ZNF578: variants seen among roughly 807,000 people sequenced by gnomAD.
ZNF578 encodes the protein zinc finger protein 578.
In ZNF578, 8 loss-of-function variants were observed where a neutral mutation model predicts 8.3. The ratio of observed to expected loss-of-function variants is 0.96; its 90% CI spans 0.56 to 1.74. ZNF578 has a LOEUF of 1.74. Ranked by LOEUF, ZNF578 falls within the 40% of genes most tolerant of loss-of-function variation. ZNF578 has a pLI of 0.00. For missense variants in ZNF578, 726 were observed against 707.5 expected, an observed-to-expected ratio of 1.03 and a Z score of -0.30; for synonymous variants, 206 against 232.2, an observed-to-expected ratio of 0.89 and a Z score of 1.03.
chr19:52,480,900 G>C (rs1169753165), intron 2 of ZNF578, among the ~76,000 whole-genome samples: 1 of 139,340 alleles, frequency 7.2e-6, no homozygotes, highest in African/African-American at 2.6e-5. Context: ...CATCTCAAAA[G>C]ATAATAATAA....
chr19:52,460,640 A>G (rs183207164), intron 2 of ZNF578, among the ~76,000 whole-genome samples: 11 of 152,272 alleles, frequency 7.2e-5, no homozygotes, highest in African/African-American at 2.2e-4. Context: ...AAAAACTTTA[A>G]GTTGGATGTA....
rs1476641900 is a variant in ZNF578 at position 52,504,679 on chromosome 19, G to A, written c.88G>A (p.Ala30Thr). ...GGGACGCTTGACTTTCAGGGATGTG[G>A]CTATAGAATTCTCATTGGCAGAGTG... Reference protein sequence around the residue: ...PQGRLTFRDVAIEFSLAEWKF... With the variant: ...PQGRLTFRDVTIEFSLAEWKF... The change falls in exon 5 of 6, where the codon GCT (alanine) becomes ACT (threonine). Residue 30 changes from alanine (A) to threonine (T), a missense_variant. By Grantham distance (58) the Ala-to-Thr change is moderately conservative. Coordinates refer to ENST00000421239, the MANE Select transcript of ZNF578 (RefSeq NM_001099694.2). The A allele has an allele frequency of 1.2e-6, 2 of 1,614,072 alleles. No homozygotes were observed. The highest frequency in any genetic ancestry group is 2.2e-5 in the East Asian group (1 of 44,866).
chr19:52,502,194 G>GC (rs2122940522), intron 4 of ZNF578, among the ~76,000 whole-genome samples: 1 of 152,274 alleles, frequency 6.6e-6, no homozygotes, highest in East Asian at 1.9e-4. Flanking sequence ...TGGGGTGTGG[G>GC]CCCGTTGATG....
chr19:52,453,759 C>G (rs993468994), intron 1 of ZNF578, 152 bp downstream of exon 1: 1 of 152,498 alleles, frequency 6.6e-6, no homozygotes, highest in East Asian at 1.9e-4. Context: ...GTTAAAATCG[C>G]TTGGAGGCTG....
chr19:52,463,180 C>T lies in ZNF578; in HGVS notation c.-122+6222C>T, dbSNP rs563308985. 2.4e-4 allele frequency among the ~76,000 whole-genome samples: 36 copies of T among 152,302 alleles called. 1 individual carries two copies. The South Asian group carries it at 6.8e-3, about 29-fold the overall frequency. The stretch of plus-strand genomic sequence containing the variant: ...GGATACTTGTACTGTGTTTAATGCT[C>T]CACTACAGTAGCCTGTCCATTGTCT... On this transcript the variant is annotated intron_variant, in intron 2 of 5. Coordinates refer to ENST00000421239, the MANE Select transcript of ZNF578 (RefSeq NM_001099694.2).
intron 2 of ZNF578, among the ~76,000 whole-genome samples, chr19:52,482,586 C>T (rs2059330576): frequency 6.6e-6 from 1 of 151,294 alleles, no homozygotes; most frequent in African/African-American, 2.4e-5. Flanking sequence ...TGCAGTGAGC[C>T]AAGGTTGCGC....
chr19:52,495,535 A>G, intron 3 of ZNF578, among the ~76,000 whole-genome samples: 1 of 151,506 alleles, frequency 6.6e-6, no homozygotes, highest in East Asian at 1.9e-4. Flanking sequence ...AAAGAAACAG[A>G]TGGAGAGAGA....
At chr19:52,480,595 TAA>T (rs754401637) in intron 2 of ZNF578, among the ~76,000 whole-genome samples, 3 of 139,340 alleles carry the variant, frequency 2.2e-5, no homozygotes, top group Admixed American at 7.2e-5. Flanking sequence ...TGTAAGGATT[TAA>T]AAAAAAAAAA....
At chr19:52,494,916 C>G (rs1416559669) in intron 3 of ZNF578, among the ~76,000 whole-genome samples, 1 of 152,144 alleles carries the variant, frequency 6.6e-6, no homozygotes, top group Admixed American at 6.5e-5. Flanking sequence ...ACTGAAGCCT[C>G]GACCTCCTAG....
At position 52,516,735 on chromosome 19, in the gene ZNF578, C is replaced by A. The variant is rs1038464259; in HGVS notation, c.*4581C>A. ...AGAATGGACTTGGTGAGATCCACCCCCTGCCTGCAAAGCATTGCCCCTAAC... is the reference window on the plus strand; with the variant it reads ...AGAATGGACTTGGTGAGATCCACCCACTGCCTGCAAAGCATTGCCCCTAAC... On this transcript the variant is annotated 3_prime_UTR_variant, in exon 6 of 6. Coordinates refer to ENST00000421239, the MANE Select transcript of ZNF578 (RefSeq NM_001099694.2). Among the ~76,000 whole-genome samples, 1 of 152,176 alleles carries A rather than the reference C, an allele frequency of 6.6e-6. No individual in the cohort carries two copies. The highest frequency in any genetic ancestry group is 1.5e-5 in the Non-Finnish European group (1 of 68,042).
chr19:52,472,723 T>G (rs758178166), intron 2 of ZNF578, among the ~76,000 whole-genome samples: 5 of 152,220 alleles, frequency 3.3e-5, no homozygotes, highest in Non-Finnish European at 7.3e-5. Context: ...ACAATAAGTA[T>G]AATGACTGGC....
intron 2 of ZNF578, among the ~76,000 whole-genome samples, chr19:52,477,980 G>A (rs1224038388): frequency 6.6e-6 from 1 of 152,202 alleles, no homozygotes; most frequent in Non-Finnish European, 1.5e-5. Context: ...TTAGTGGCCA[G>A]TGCACACTGC....
In ZNF578 at chr19:52,469,002, C is replaced by T. The variant is rs1254358123; in HGVS notation, c.-122+12044C>T. On this transcript the variant is annotated intron_variant, in intron 2 of 5. Coordinates refer to ENST00000421239, the MANE Select transcript of ZNF578 (RefSeq NM_001099694.2). The stretch of plus-strand genomic sequence containing the variant: ...GGACTGAGCCACTACCAGCTTCTCT[C>T]TTCTCCAGCTTGCATACAGCCTATC... Among the ~76,000 whole-genome samples, 3 of 152,132 alleles carry T rather than the reference C, an allele frequency of 2.0e-5. No homozygotes were observed. The East Asian group carries it at 5.8e-4, about 29-fold the overall frequency.
chr19:52,511,204 G>A lies in ZNF578; in HGVS notation c.823G>A (p.Ala275Thr). The A allele has an allele frequency of 2.5e-6, 4 of 1,614,190 alleles. No homozygotes were observed. Among genetic ancestry groups the A allele is most frequent in the Non-Finnish European group, 3.4e-6 (4 of 1,180,034 alleles). The change falls in exon 6 of 6, where the codon GCA becomes ACA. Residue 275 changes from alanine to threonine, a missense_variant. Transcript: ENST00000421239. ...AGTCTTTAATGAGAAGCGATACCTT[G>A]CACGCCATCGTAGATGTCACACTAG... ...GKVFNEKRYL[A>T]RHRRCHTSEK...
chr19:52,459,767 A>ATTTTTTTTT (rs1177924530), intron 2 of ZNF578, among the ~76,000 whole-genome samples: 4 of 6,018 alleles, frequency 6.6e-4, no homozygotes, highest in African/African-American at 1.1e-3. Context: ...ATATATATAT[A>ATTTTTTTTT]TATTTTTTTT....
chr19:52,475,568 A>G lies in ZNF578; in HGVS notation c.-121-15756A>G, dbSNP rs138437238. Among the ~76,000 whole-genome samples, 816 of 152,260 alleles carry G rather than the reference A, an allele frequency of 5.4e-3. 1 individual carries two copies. Among genetic ancestry groups the G allele is most frequent in the African/African-American group, 0.018 (752 of 41,554 alleles). On this transcript the variant is annotated intron_variant, in intron 2 of 5. Transcript: ENST00000421239. ...GAGACGGGGTTTCACCATGTTGGTCAGGCTGGTCTCGAACCTCTGATCTCA... is the reference window on the plus strand; with the variant it reads ...GAGACGGGGTTTCACCATGTTGGTCGGGCTGGTCTCGAACCTCTGATCTCA...
chr19:52,482,923 AGAGT>A (rs2059331878), intron 2 of ZNF578, among the ~76,000 whole-genome samples: 1 of 147,142 alleles, frequency 6.8e-6, no homozygotes, highest in African/African-American at 2.6e-5. Context: ...CCTGGGTGAC[AGAGT>A]GAGACTCTGT....
chr19:52,480,997 C>A (rs2059324674), intron 2 of ZNF578, among the ~76,000 whole-genome samples: 1 of 151,678 alleles, frequency 6.6e-6, no homozygotes, highest in South Asian at 2.1e-4. Context: ...GAAATAGAGT[C>A]AGGATTTGCA....
At chr19:52,490,695 T>G (rs2059362302) in intron 2 of ZNF578, among the ~76,000 whole-genome samples, 1 of 151,852 alleles carries the variant, frequency 6.6e-6, no homozygotes, top group Non-Finnish European at 1.5e-5. Context: ...TGGAGTGCAG[T>G]GGCACAATCT....
Sources: allele counts gnomAD v4.1 joint callset (sites outside exome capture counted in the v4.1 genomes callset), GRCh38; gene constraint gnomAD v4.1.1; transcripts MANE v1.5; gene names NCBI Gene and HGNC (gene_info 2026-07-23, HGNC 2026-07-21).